The following SS18 variants were observed in gnomAD, a reference collection of about 807,000 sequenced individuals.
SS18 encodes the protein SS18 subunit of BAF chromatin remodeling complex.
A neutral mutation model predicts 72.5 loss-of-function variants in SS18; 28 were observed. The observed-to-expected ratio is 0.39, with a 90% CI of 0.29 to 0.53. SS18 has a LOEUF of 0.53. Ranked by LOEUF, SS18 falls within the 20% of genes least tolerant of loss-of-function variation. The pLI, the probability that SS18 is intolerant of heterozygous loss-of-function variation, is 0.76. For synonymous variants in SS18, 172 were observed against 164.2 expected (o/e 1.05, Z -0.37); for missense variants, 518 against 535.3 (o/e 0.97, Z 0.32).
Position 26,052,623 on chromosome 18 carries a change from C to G in SS18, c.607+1G>C, listed in dbSNP as rs781269594. 6.2e-7 allele frequency: 1 copy of G among 1,612,318 alleles called. No individual in the cohort carries two copies. The highest frequency in any genetic ancestry group is 2.2e-5 in the East Asian group (1 of 44,868). ...TCAAGAAGGACATAAAGCTTAGTTACCTTGGTTTGGCTGCATACTCATATT... is the reference window on the plus strand; with the variant it reads ...TCAAGAAGGACATAAAGCTTAGTTAGCTTGGTTTGGCTGCATACTCATATT... On this transcript the variant is annotated splice_donor_variant, in intron 5 of 10. Transcript: ENST00000415083. LOFTEE classifies it high-confidence loss of function.
intron 3 of SS18, among the ~76,000 whole-genome samples, chr18:26,063,901 A>C (rs1000236934): frequency 2.0e-5 from 3 of 152,156 alleles, no homozygotes; most frequent in Non-Finnish European, 2.9e-5. Context: ...ATAATCAAGA[A>C]AAGACAGAAA....
At chr18:26,085,524 T>G (rs748185310) in intron 2 of SS18, among the ~76,000 whole-genome samples, 1 of 152,246 alleles carries the variant, frequency 6.6e-6, no homozygotes, top group Non-Finnish European at 1.5e-5. Flanking sequence ...TTTAACCCAG[T>G]AATTCCATTT....
At chr18:26,039,093 T>G (rs561411810) in intron 6 of SS18, among the ~76,000 whole-genome samples, 196 bp downstream of exon 6, 6 of 150,288 alleles carry the variant, frequency 4.0e-5, no homozygotes, top group Non-Finnish European at 8.8e-5. Context: ...GTATAACTTA[T>G]TCCAGAAAAT....
chr18:26,090,763 C>G (rs1362608688), upstream of SS18: 4 of 617,686 alleles, frequency 6.5e-6, no homozygotes, highest in Middle Eastern at 3.9e-4. Flanking sequence ...TCTGCGCACT[C>G]TGGGGGACCC....
At chr18:26,088,547 T>C (rs2054656709) in intron 1 of SS18, among the ~76,000 whole-genome samples, 1 of 152,242 alleles carries the variant, frequency 6.6e-6, no homozygotes, top group African/African-American at 2.4e-5. Context: ...CATTCTATCA[T>C]CTTTTAACAT....
intron 10 of SS18, among the ~76,000 whole-genome samples, chr18:26,028,323 G>C (rs2053486606): frequency 6.6e-6 from 1 of 152,190 alleles, no homozygotes; most frequent in Admixed American, 6.5e-5. Flanking sequence ...AGTTAGCAAG[G>C]ATATGGGTGA....
upstream of SS18, chr18:26,090,908 C>T (rs2054716533): frequency 2.8e-6 from 1 of 359,432 alleles, no homozygotes; most frequent in African/African-American, 2.1e-5. Flanking sequence ...GAAATGGTCC[C>T]GCCGCCGCGG....
intron 3 of SS18, among the ~76,000 whole-genome samples, chr18:26,065,706 T>C (rs891446504): frequency 6.8e-6 from 1 of 147,196 alleles, no homozygotes; most frequent in African/African-American, 2.5e-5. Flanking sequence ...CCACAGAGAA[T>C]AAAAAGACAA....
chr18:26,018,307 C>A lies in SS18; in HGVS notation c.*47G>T. On this transcript the variant is annotated 3_prime_UTR_variant, in exon 11 of 11. Transcript: ENST00000415083. Reference sequence around the variant, plus strand: ...GGAGGTGTCCACAGTGCTGAGGTGACAATATGGCTGCTAATAGATACTGGC... The same window carrying A: ...GGAGGTGTCCACAGTGCTGAGGTGAAAATATGGCTGCTAATAGATACTGGC... The A allele has an allele frequency of 6.4e-7, 1 of 1,552,336 alleles. No individual in the cohort carries two copies. Among genetic ancestry groups the A allele is most frequent in the Non-Finnish European group, 8.9e-7 (1 of 1,125,278 alleles).
chr18:26,018,260 G>T lies in SS18; in HGVS notation c.*94C>A. 1 of 1,095,412 alleles carries T rather than the reference G, an allele frequency of 9.1e-7. No individual in the cohort carries two copies. Among genetic ancestry groups the T allele is most frequent in the Non-Finnish European group, 1.3e-6 (1 of 745,460 alleles). 67.9% of individuals were successfully genotyped at this position (1,095,412 alleles called of 1,614,324 possible). On this transcript the variant is annotated 3_prime_UTR_variant, in exon 11 of 11. Transcript: ENST00000415083. ...ACAAGGTTTTTCCAAAAACTAGATG[G>T]AATGGAAGGATCTCTTCACAGGGAG...
chr18:26,052,675 G>T lies in SS18; in HGVS notation c.556C>A (p.Pro186Thr), dbSNP rs1259034337. Residue 186 changes from proline (P) to threonine (T), a missense_variant, in exon 5 of 11, where the codon CCA (proline) becomes ACA (threonine). Pro to Thr is a conservative substitution (Grantham distance 38). Coordinates refer to ENST00000415083, the MANE Select transcript of SS18 (RefSeq NM_001007559.3). ...GGTCTGGGACCATAGTTTCCCATTG[G>T]TTGTCCCTGACTCATTGTCATCTGA... ...QNQMTMSQGQ[P>T]MGNYGPRPNM... 2 of 1,613,994 alleles carry T rather than the reference G, an allele frequency of 1.2e-6. No homozygotes were observed. Among genetic ancestry groups the T allele is most frequent in the Non-Finnish European group, 1.7e-6 (2 of 1,179,992 alleles).
At chr18:26,088,701 G>A (rs1255059187) in intron 1 of SS18, among the ~76,000 whole-genome samples, 1 of 152,020 alleles carries the variant, frequency 6.6e-6, no homozygotes, top group East Asian at 1.9e-4. Context: ...AGTTTTCAGG[G>A]GCTGATTCAG....
intron 2 of SS18, among the ~76,000 whole-genome samples, chr18:26,085,040 T>A (rs1044485129): frequency 6.6e-6 from 1 of 152,190 alleles, no homozygotes; most frequent in African/African-American, 2.4e-5. Flanking sequence ...CTCTCAAATG[T>A]TTCTAAAAAA....
intron 5 of SS18, among the ~76,000 whole-genome samples, chr18:26,045,844 G>C (rs1041611919): frequency 6.6e-6 from 1 of 151,948 alleles, no homozygotes; most frequent in Non-Finnish European, 1.5e-5. Context: ...AAATACATAG[G>C]GAAATGAGAA....
At position 26,088,904 on chromosome 18, in the gene SS18, G is replaced by A. The variant is rs183557777; in HGVS notation, c.70-1327C>T. Among the ~76,000 whole-genome samples the A allele has an allele frequency of 4.6e-5, 7 of 151,854 alleles. No individual in the cohort carries two copies. In the East Asian group the frequency reaches 9.6e-4, roughly 21 times the overall value. On this transcript the variant is annotated intron_variant, in intron 1 of 10. Coordinates refer to ENST00000415083, the MANE Select transcript of SS18 (RefSeq NM_001007559.3). The stretch of plus-strand genomic sequence containing the variant: ...GGGGGAAAAAAAAAACCACTAACAT[G>A]ATCTGCTAATAAATGCAGTTATTTC...
At chr18:26,090,366 T>G in intron 1 of SS18, 135 bp downstream of exon 1, 2 of 841,616 alleles carry the variant, frequency 2.4e-6, no homozygotes, top group Admixed American at 2.4e-5. Flanking sequence ...GCAGTCCGTG[T>G]TCCCAAACAC....
chr18:26,036,620 TCTCA>T (rs33921759), intron 7 of SS18, among the ~76,000 whole-genome samples: 8,869 of 152,130 alleles, frequency 0.058, 741 homozygotes, highest in African/African-American at 0.19. Context: ...TGAAAAATAC[TCTCA>T]CTCTTTTTTT....
At chr18:26,029,886 G>C (rs1265283227) in intron 10 of SS18, among the ~76,000 whole-genome samples, 1 of 152,114 alleles carries the variant, frequency 6.6e-6, no homozygotes, top group Non-Finnish European at 1.5e-5. Context: ...GGTTAATGTA[G>C]AAACACTACT....
At chr18:26,086,368 T>C (rs576075860) in intron 2 of SS18, among the ~76,000 whole-genome samples, 2 of 152,268 alleles carry the variant, frequency 1.3e-5, no homozygotes, top group East Asian at 3.9e-4. Context: ...CAAAATGAGA[T>C]GTGTTATTAA....
Sources: gnomAD v4.1 joint callset for allele counts (sites outside exome capture counted in the v4.1 genomes callset) on GRCh38, gnomAD v4.1.1 for gene constraint, MANE v1.5 for transcripts, NCBI Gene and HGNC (gene_info 2026-07-23, HGNC 2026-07-21) for gene names.